Variants in PLPP7 observed in about 807,000 individuals in gnomAD.
The protein encoded by PLPP7 is inactive phospholipid phosphatase 7.
Under a neutral mutation model 16.9 loss-of-function variants are expected in PLPP7, and 11 were observed. The ratio of observed to expected loss-of-function variants is 0.65; its 90% CI spans 0.41 to 1.08. The LOEUF (loss-of-function observed/expected upper bound fraction) is 1.08. Among genes scored for constraint, PLPP7 ranks in the 50% least tolerant of loss-of-function variants. The pLI is 0.00. For missense variants in PLPP7, 358 were observed against 397.1 expected, an observed-to-expected ratio of 0.90 and a Z score of 0.84; for synonymous variants, 174 against 175.1, an observed-to-expected ratio of 0.99 and a Z score of 0.05.
chr9:131,308,715 A>C lies in PLPP7; in HGVS notation c.*428A>C. 5.4e-6 allele frequency: 1 copy of C among 185,098 alleles called. No individual in the cohort carries two copies. 11.5% of individuals were successfully genotyped at this position (185,098 alleles called of 1,614,324 possible). On this transcript the variant is annotated 3_prime_UTR_variant, in exon 2 of 2. Coordinates refer to ENST00000372264, the MANE Select transcript of PLPP7 (RefSeq NM_032728.4). The stretch of plus-strand genomic sequence containing the variant: ...ATGCCCCCAACCTACTGCCTGATGC[A>C]GGTGCCATTGCCATTAGCGGTCATC...
At chr9:131,292,884 G>C in intron 1 of PLPP7, 2 of 985,376 alleles carry the variant, frequency 2.0e-6, no homozygotes, top group Non-Finnish European at 2.4e-6. Flanking sequence ...CCAGCAGCCA[G>C]CTGCCATGGG....
In PLPP7 at chr9:131,290,295, G is replaced by C; in HGVS notation, c.298G>C (p.Ala100Pro). The part of the protein sequence containing the change: ...ICMSKRLGVC[A>P]GRAASWASAR... ...TATGTCCAAGCGGCTGGGGGTGTGC[G>C]CTGGCCGGGCGGCGTCCTGGGCCAG... The change falls in exon 1 of 2, where the codon GCT becomes CCT. Residue 100 changes from alanine to proline, a missense_variant. Ala to Pro is a conservative substitution (Grantham distance 27). Transcript: ENST00000372264. This position sits in a 1 kb window ranked among gnomAD's most constrained non-coding sequence, Gnocchi z 4.2. The C allele has an allele frequency of 1.2e-5, 20 of 1,611,920 alleles. No individual in the cohort carries two copies. The highest frequency in any genetic ancestry group is 1.7e-5 in the Non-Finnish European group (20 of 1,179,102).
chr9:131,308,354 G>T lies in PLPP7; in HGVS notation c.*67G>T. 6.7e-7 allele frequency: 1 copy of T among 1,489,688 alleles called. No individual in the cohort carries two copies. The highest frequency in any genetic ancestry group is 8.9e-7 in the Non-Finnish European group (1 of 1,121,910). The allele number at this position is 1,489,688 out of a possible 1,614,324, so 92.3% of individuals were successfully genotyped here. Reference sequence around the variant, plus strand: ...CCCTAGAGAAGGGGCAGGGGGTGGCGAGGTGGCGGGCGTGGGTGGAACAGA... The same window carrying T: ...CCCTAGAGAAGGGGCAGGGGGTGGCTAGGTGGCGGGCGTGGGTGGAACAGA... On this transcript the variant is annotated 3_prime_UTR_variant, in exon 2 of 2. Transcript: ENST00000372264.
intron 1 of PLPP7, among the ~76,000 whole-genome samples, chr9:131,306,536 C>CAA (rs1178642760): frequency 1.4e-5 from 2 of 140,414 alleles, no homozygotes; most frequent in African/African-American, 2.6e-5. Context: ...GACTCCATCT[C>CAA]AAAAAAAAAA....
intron 1 of PLPP7, among the ~76,000 whole-genome samples, chr9:131,306,488 G>T (rs1218356129): frequency 6.6e-6 from 1 of 151,688 alleles, no homozygotes; most frequent in Non-Finnish European, 1.5e-5. Flanking sequence ...AGTGAGCCGA[G>T]ATCATGCCAC....
chr9:131,290,978 T>C lies in PLPP7; in HGVS notation c.451+530T>C. 1 of 1,048,204 alleles carries C rather than the reference T, an allele frequency of 9.5e-7. No homozygotes were observed. The highest frequency in any genetic ancestry group is 1.4e-6 in the Non-Finnish European group (1 of 739,160). The allele number at this position is 1,048,204 out of a possible 1,614,324, so 64.9% of individuals were successfully genotyped here. A position where few individuals can be genotyped will look rare whatever the true frequency, so the allele number is the denominator to read the frequency against. ...GGTCTGGGGACCCAGGGAGTTCCCCTGGGACTGCCACCCACTCACAGCCCC... is the reference window on the plus strand; with the variant it reads ...GGTCTGGGGACCCAGGGAGTTCCCCCGGGACTGCCACCCACTCACAGCCCC... On this transcript the variant is annotated intron_variant, in intron 1 of 1. Transcript: ENST00000372264. This position sits in a 1 kb window ranked among gnomAD's most constrained non-coding sequence, Gnocchi z 4.2.
At chr9:131,297,675 T>TG (rs1465666313) in intron 1 of PLPP7, among the ~76,000 whole-genome samples, 2 of 152,218 alleles carry the variant, frequency 1.3e-5, no homozygotes, top group African/African-American at 4.8e-5. Flanking sequence ...CGTGAGCCAC[T>TG]GTGCCTAGCC....
At chr9:131,292,065 GAC>G (rs1835683729) in intron 1 of PLPP7, among the ~76,000 whole-genome samples, 1 of 152,230 alleles carries the variant, frequency 6.6e-6, no homozygotes, top group African/African-American at 2.4e-5. Context: ...GGCTCCAGCT[GAC>G]ACACAGGCCT....
intron 1 of PLPP7, among the ~76,000 whole-genome samples, chr9:131,303,712 T>C (rs562147319): frequency 6.6e-6 from 1 of 152,242 alleles, no homozygotes; most frequent in South Asian, 2.1e-4. Context: ...TCTTGTGTCC[T>C]AGGAAACCCC....
intron 1 of PLPP7, chr9:131,292,826 A>G (rs1240521805): frequency 1.0e-5 from 10 of 985,142 alleles, no homozygotes; most frequent in South Asian, 9.4e-5. Flanking sequence ...TGCCCCAAAC[A>G]TTGAAAAATT....
chr9:131,292,807 C>T (rs1187248889), intron 1 of PLPP7: 4 of 985,198 alleles, frequency 4.1e-6, no homozygotes, highest in Non-Finnish European at 4.8e-6. Context: ...CTTTTAAGAA[C>T]ATTTCCCCTG....
At chr9:131,297,585 C>T (rs951014178) in intron 1 of PLPP7, among the ~76,000 whole-genome samples, 3 of 152,112 alleles carry the variant, frequency 2.0e-5, no homozygotes, top group African/African-American at 7.2e-5. Context: ...GGGGTTTCAC[C>T]ATGTTGGCCA....
chr9:131,300,689 G>GAA (rs1165239833), intron 1 of PLPP7, among the ~76,000 whole-genome samples: 53 of 40,322 alleles, frequency 1.3e-3, no homozygotes, highest in African/African-American at 3.1e-3. Flanking sequence ...CTCAAAAGCA[G>GAA]AAAAAAAAAA....
At chr9:131,294,244 G>A (rs1294372249) in intron 1 of PLPP7, among the ~76,000 whole-genome samples, 1 of 152,018 alleles carries the variant, frequency 6.6e-6, no homozygotes, top group East Asian at 1.9e-4. Context: ...TGGGAACTCA[G>A]GCAAGTGACT....
intron 1 of PLPP7, among the ~76,000 whole-genome samples, chr9:131,306,725 C>A (rs917437054): frequency 2.0e-5 from 3 of 152,052 alleles, no homozygotes; most frequent in African/African-American, 7.2e-5. Context: ...CTAGAGGAGG[C>A]AAATCCTCTA....
chr9:131,293,051 T>C lies in PLPP7; in HGVS notation c.451+2603T>C, dbSNP rs556110269. 2.3e-5 allele frequency: 19 copies of C among 813,278 alleles called. No homozygotes were observed. The South Asian group carries it at 9.0e-4, about 38-fold the overall frequency. 50.4% of individuals were successfully genotyped at this position (813,278 alleles called of 1,614,324 possible). On this transcript the variant is annotated intron_variant, in intron 1 of 1. Transcript: ENST00000372264. ...GGCATGAACGGCCTGTATTTTATGA[T>C]GTAAAAAAGCTGTCGATGACCTTTC...
In PLPP7 at chr9:131,308,089, C is replaced by A. The variant is rs997718357; in HGVS notation, c.618C>A (p.Ser206Arg). 2 of 1,601,286 alleles carry A rather than the reference C, an allele frequency of 1.2e-6. No homozygotes were observed. The highest frequency in any genetic ancestry group is 1.7e-6 in the Non-Finnish European group (2 of 1,179,808). Residue 206 changes from serine to arginine, a missense_variant, in exon 2 of 2, where the codon AGC becomes AGA. Physicochemically the swap from Ser to Arg is moderately radical, Grantham distance 110. Transcript: ENST00000372264. Reference protein sequence around the residue: ...RAAMVSKFFLSHLVLAVPLRV... With the variant: ...RAAMVSKFFLRHLVLAVPLRV... ...CCATGGTGTCCAAGTTCTTCCTCAG[C>A]CACCTGGTGCTGGCGGTGCCCCTGC...
chr9:131,291,273 C>T (rs1383407871), intron 1 of PLPP7: 6 of 1,283,554 alleles, frequency 4.7e-6, no homozygotes, highest in East Asian at 5.0e-5. Context: ...AGGCCCGCAT[C>T]GATTTCCTTG....
At position 131,303,106 on chromosome 9, in the gene PLPP7, C is replaced by T. The variant is rs748203162; in HGVS notation, c.452-4817C>T. Among the ~76,000 whole-genome samples, 7 of 152,194 alleles carry T rather than the reference C, an allele frequency of 4.6e-5. No homozygotes were observed. The South Asian group carries it at 6.2e-4, about 14-fold the overall frequency. ...CAGCACTTTGGGAGGCTGAGGTGCG[C>T]GGATCACCTGAGGTCGGGAGTTCAA... On this transcript the variant is annotated intron_variant, in intron 1 of 1. Transcript: ENST00000372264.
Sources: gnomAD v4.1 joint callset for allele counts (sites outside exome capture counted in the v4.1 genomes callset) on GRCh38, gnomAD v4.1.1 for gene constraint, Gnocchi (gnomAD v3.1) non-coding constraint, MANE v1.5 for transcripts, NCBI Gene and HGNC (gene_info 2026-07-23, HGNC 2026-07-21) for gene names.